DPP6: variants seen among roughly 807,000 people sequenced by gnomAD.
DPP6 encodes the protein A-type potassium channel modulatory protein DPP6.
A neutral mutation model predicts 122.6 loss-of-function variants in DPP6; 69 were observed. The observed-to-expected ratio is 0.56, with a 90% CI of 0.46 to 0.69. The LOEUF is 0.69. DPP6 is among the 30% of genes least tolerant of loss of function. The pLI, the probability that DPP6 is intolerant of heterozygous loss-of-function variation, is 0.00. For synonymous variants in DPP6, 418 were observed against 433.1 expected, an observed-to-expected ratio of 0.97 and a Z score of 0.43; for missense variants, 928 against 1,116.9, an observed-to-expected ratio of 0.83 and a Z score of 2.41.
At chr7:154,324,708 AC>A (rs1808273620) in intron 1 of DPP6, among the ~76,000 whole-genome samples, 1 of 152,026 alleles carries the variant, frequency 6.6e-6, no homozygotes, top group Non-Finnish European at 1.5e-5. Context: ...TCTTGTCCTG[AC>A]GTGGAAACCG....
chr7:154,286,466 C>T (rs943872952), intron 1 of DPP6, among the ~76,000 whole-genome samples: 7 of 152,164 alleles, frequency 4.6e-5, no homozygotes, highest in African/African-American at 1.7e-4. Flanking sequence ...CAAGCAGGAG[C>T]GTTTGTCCAC....
At chr7:153,858,111 A>C in the DPP6 span, among the ~76,000 whole-genome samples, 1 of 152,164 alleles carries the variant, frequency 6.6e-6, no homozygotes. Context: ...ATTTGTTATG[A>C]GTTTTTTGCT....
At chr7:154,408,189 T>C in intron 1 of DPP6, among the ~76,000 whole-genome samples, 1 of 152,194 alleles carries the variant, frequency 6.6e-6, no homozygotes, top group African/African-American at 2.4e-5. Flanking sequence ...AAATGAAATA[T>C]GAATTAGGAA....
At chr7:154,004,109 G>T (rs1797801909) in intron 1 of DPP6, among the ~76,000 whole-genome samples, 1 of 152,222 alleles carries the variant, frequency 6.6e-6, no homozygotes. Context: ...GGTAGCTGTA[G>T]TAGAAGCATG....
At chr7:153,769,619 C>A in the DPP6 span, among the ~76,000 whole-genome samples, 8 of 152,164 alleles carry the variant, frequency 5.3e-5, no homozygotes, top group East Asian at 1.5e-3. Context: ...GAATCATCAA[C>A]TGACAAGCAT....
At chr7:154,544,999 G>A (rs1283147309) in intron 4 of DPP6, among the ~76,000 whole-genome samples, 2 of 152,216 alleles carry the variant, frequency 1.3e-5, no homozygotes, top group Non-Finnish European at 2.9e-5. Context: ...CCCTCATGAA[G>A]CTGGATGTAG....
chr7:153,888,300 G>C (rs1799030621), intron 1 of DPP6, among the ~76,000 whole-genome samples: 1 of 152,238 alleles, frequency 6.6e-6, no homozygotes, highest in Admixed American at 6.5e-5. Context: ...TCCCCCAAAA[G>C]CTTGACTGTG....
chr7:154,162,925 C>T (rs529238725), intron 1 of DPP6, among the ~76,000 whole-genome samples: 8 of 151,816 alleles, frequency 5.3e-5, no homozygotes, highest in Middle Eastern at 3.4e-3. Flanking sequence ...AACTTGACAC[C>T]CAGAATGTAT....
intron 4 of DPP6, among the ~76,000 whole-genome samples, chr7:154,557,101 C>T (rs1432091625): frequency 2.0e-5 from 3 of 152,224 alleles, no homozygotes; most frequent in East Asian, 1.9e-4. Context: ...TCGACCAAGA[C>T]GGGAAGTTTG....
rs1292582275 is a variant in DPP6, at chr7:154,795,780, C to T, written c.1261-65C>T. ...TGCACTGTCGGTCACAGACACAATA[C>T]ATGCAAAAAAAAAAAAGAAAAGAAA... is the stretch of plus-strand genomic sequence containing the variant. On this transcript the variant is annotated intron_variant, in intron 11 of 25. Transcript: ENST00000377770. 3.3e-6 allele frequency: 5 copies of T among 1,502,374 alleles called. No individual in the cohort carries two copies. In the Admixed American group the frequency reaches 6.3e-5, roughly 19 times the overall value. The allele number at this position is 1,502,374 out of a possible 1,614,324, so 93.1% of individuals were successfully genotyped here.
At position 154,619,912 on chromosome 7, in the gene DPP6, A is replaced by G. The variant is rs150868263; in HGVS notation, c.628-17909A>G. Among the ~76,000 whole-genome samples the G allele has an allele frequency of 3.3e-5, 5 of 152,354 alleles. No homozygotes were observed. The East Asian group carries it at 9.6e-4, about 29-fold the overall frequency. On this transcript the variant is annotated intron_variant, in intron 5 of 25. Coordinates refer to ENST00000377770, the MANE Select transcript of DPP6 (RefSeq NM_130797.4). ...GGTTTGCAAACCAGGTACCTAGGAT[A>G]GAGGTTTTCAACTCTTGGTGTGCTC... is the stretch of plus-strand genomic sequence containing the variant.
intron 1 of DPP6, among the ~76,000 whole-genome samples, chr7:154,288,721 T>C (rs972107615): frequency 2.0e-5 from 3 of 152,206 alleles, no homozygotes; most frequent in Non-Finnish European, 4.4e-5. Context: ...AAACCCATAT[T>C]TATTGAGCAC....
chr7:154,783,580 C>T (rs1407538465), intron 10 of DPP6, among the ~76,000 whole-genome samples: 1 of 152,182 alleles, frequency 6.6e-6, no homozygotes, highest in Non-Finnish European at 1.5e-5. Flanking sequence ...TCCCATCAGT[C>T]CAACCTGTTC....
chr7:153,852,632 T>G, the DPP6 span, among the ~76,000 whole-genome samples: 1 of 152,186 alleles, frequency 6.6e-6, no homozygotes, highest in African/African-American at 2.4e-5. Context: ...CCAAACCATA[T>G]CAGATGCACA....
intron 8 of DPP6, among the ~76,000 whole-genome samples, chr7:154,741,393 C>A (rs900437512): frequency 1.3e-5 from 2 of 152,228 alleles, no homozygotes; most frequent in Non-Finnish European, 2.9e-5. Context: ...CCAGCACATC[C>A]GTGCATTCAG....
chr7:154,575,892 G>T (rs1359070453), intron 5 of DPP6, among the ~76,000 whole-genome samples: 1 of 151,980 alleles, frequency 6.6e-6, no homozygotes, highest in African/African-American at 2.4e-5. Flanking sequence ...GGATCTACAG[G>T]TTTTGAGGTT....
intron 1 of DPP6, among the ~76,000 whole-genome samples, chr7:154,003,261 A>C (rs1797765470): frequency 6.6e-6 from 1 of 152,230 alleles, no homozygotes; most frequent in Non-Finnish European, 1.5e-5. Context: ...GATAGCATCC[A>C]AAGTGACTGC....
At chr7:154,360,566 T>C (rs894331123) in intron 1 of DPP6, among the ~76,000 whole-genome samples, 1 of 152,234 alleles carries the variant, frequency 6.6e-6, no homozygotes, top group Admixed American at 6.5e-5. Flanking sequence ...GATTTAGTGC[T>C]GTCCAGCAAA....
chr7:153,785,149 G>C, the DPP6 span, among the ~76,000 whole-genome samples: 193 of 152,254 alleles, frequency 1.3e-3, 4 homozygotes, highest in East Asian at 0.032. Context: ...AATGAACTTA[G>C]ATCCTCAGGA....
Sources: allele counts gnomAD v4.1 joint callset (sites outside exome capture counted in the v4.1 genomes callset), GRCh38; gene constraint gnomAD v4.1.1; transcripts MANE v1.5; gene names NCBI Gene and HGNC (gene_info 2026-07-23, HGNC 2026-07-21).